Variants in DST observed in about 807,000 individuals in gnomAD.
The protein encoded by DST is bullous pemphigoid antigen.
Under a neutral mutation model 875.2 loss-of-function variants are expected in DST, and 253 were observed. The ratio of observed to expected loss-of-function variants is 0.29; its 90% confidence interval spans 0.26 to 0.32. The LOEUF is 0.32. DST is among the 10% of genes least tolerant of loss of function. DST has a pLI of 1.00. For synonymous variants in DST, 3,124 were observed against 3,197.1 expected (o/e 0.98, Z 0.77); for missense variants, 8,287 against 9,111.6 (o/e 0.91, Z 3.68).
chr6:56,689,819 C>T (rs753601684), intron 9 of DST, among the ~76,000 whole-genome samples: 3 of 152,130 alleles, frequency 2.0e-5, no homozygotes, highest in Non-Finnish European at 2.9e-5. Context: ...ATGAAAACAA[C>T]TATCTTTGCC....
At chr6:56,884,791 C>T (rs969489525) in intron 3 of DST, among the ~76,000 whole-genome samples, 2 of 152,002 alleles carry the variant, frequency 1.3e-5, no homozygotes, top group South Asian at 2.1e-4. Context: ...TGCAATGGCG[C>T]GATCTCGGCT....
At chr6:56,649,204 G>C (rs1038176667) in intron 12 of DST, among the ~76,000 whole-genome samples, 13 of 152,136 alleles carry the variant, frequency 8.5e-5, no homozygotes, top group African/African-American at 2.9e-4. Flanking sequence ...GTACTCAGTA[G>C]GCAAACTCTT....
At chr6:56,868,400 T>G (rs1284010462) in intron 3 of DST, among the ~76,000 whole-genome samples, 2 of 152,198 alleles carry the variant, frequency 1.3e-5, no homozygotes, top group African/African-American at 4.8e-5. Context: ...GATATACAAA[T>G]TCCATACCTT....
intron 4 of DST, among the ~76,000 whole-genome samples, chr6:56,810,158 C>T (rs975296265): frequency 3.9e-5 from 6 of 152,088 alleles, no homozygotes; most frequent in African/African-American, 1.4e-4. Context: ...AAGACCCCAC[C>T]TCTATAAAAA....
intron 4 of DST, among the ~76,000 whole-genome samples, chr6:56,761,280 A>G (rs559153988): frequency 6.6e-6 from 1 of 152,296 alleles, no homozygotes; most frequent in East Asian, 1.9e-4. Flanking sequence ...GCCACTCCCA[A>G]ATTCGTGGCC....
intron 67 of DST, 35 bp from the exon 68 acceptor site, chr6:56,527,769 GA>G (rs749029632): frequency 2.8e-5 from 43 of 1,546,332 alleles, no homozygotes; most frequent in South Asian, 7.5e-5. Context: ...TCTTATGAAG[GA>G]AAAAAAAGGC....
chr6:56,587,579 C>T (rs1489819378), intron 49 of DST, among the ~76,000 whole-genome samples: 11 of 152,084 alleles, frequency 7.2e-5, no homozygotes, highest in Admixed American at 5.2e-4. Flanking sequence ...AGATACTCCT[C>T]GAGAGGAGCA....
intron 2 of DST, among the ~76,000 whole-genome samples, chr6:56,906,913 G>A (rs1796687871): frequency 6.6e-6 from 1 of 152,092 alleles, no homozygotes; most frequent in Non-Finnish European, 1.5e-5. Context: ...CAGATGTGAG[G>A]TGATAGCTCA....
chr6:56,581,193 C>T (rs577088097), intron 49 of DST, among the ~76,000 whole-genome samples: 2 of 151,858 alleles, frequency 1.3e-5, no homozygotes, highest in East Asian at 3.9e-4. Context: ...AGAGTTGGAA[C>T]CCAAACTGGA....
intron 2 of DST, among the ~76,000 whole-genome samples, chr6:56,911,866 C>T (rs1226123562): frequency 2.6e-5 from 4 of 152,220 alleles, no homozygotes; most frequent in African/African-American, 9.6e-5. Flanking sequence ...AAAAAAACTA[C>T]ATTTTCTTTC....
At chr6:56,716,928 TC>T (rs902073131) in intron 5 of DST, among the ~76,000 whole-genome samples, 1 of 152,102 alleles carries the variant, frequency 6.6e-6, no homozygotes, top group African/African-American at 2.4e-5. Flanking sequence ...ACGCCTGTAA[TC>T]CCAGCACCTT....
In DST at chr6:56,610,509, T is replaced by C. The variant is rs745633242; in HGVS notation, c.5201A>G (p.Glu1734Gly). Reference protein sequence around the residue: ...ELEKQVKTLQESYNLLFSESL... With the variant: ...ELEKQVKTLQGSYNLLFSESL... ...TTCACTGAATAATAAATTATAACTT[T>C]CCTGAAGAGTTTTCACTTGTTTTTC... Residue 1734 changes from glutamate (E) to glycine (G), a missense_variant, in exon 39 of 104, where the codon GAA becomes GGA. Coordinates refer to ENST00000680361, the MANE Select transcript of DST (RefSeq NM_001374736.1). 4 of 1,566,048 alleles carry C rather than the reference T, an allele frequency of 2.6e-6. No homozygotes were observed. The highest frequency in any genetic ancestry group is 3.5e-6 in the Non-Finnish European group (4 of 1,154,504).
intron 4 of DST, among the ~76,000 whole-genome samples, chr6:56,779,148 T>G (rs2099686370): frequency 6.6e-6 from 1 of 152,112 alleles, no homozygotes; most frequent in African/African-American, 2.4e-5. Context: ...TGATGAGCAT[T>G]TTTTCATGTG....
At chr6:56,805,605 T>C (rs1194540701) in intron 4 of DST, among the ~76,000 whole-genome samples, 2 of 152,220 alleles carry the variant, frequency 1.3e-5, no homozygotes, top group Admixed American at 1.3e-4. Flanking sequence ...GCATGGGATG[T>C]CACTTTTCAA....
intron 35 of DST, 117 bp from the exon 36 acceptor site, chr6:56,624,745 C>T (rs1277216992): frequency 1.4e-6 from 1 of 711,774 alleles, no homozygotes; most frequent in Non-Finnish European, 2.5e-6. Flanking sequence ...CACACAACTC[C>T]CCCCATAATA....
At chr6:56,586,075 G>A (rs1383013096) in intron 49 of DST, among the ~76,000 whole-genome samples, 2 of 152,206 alleles carry the variant, frequency 1.3e-5, no homozygotes, top group East Asian at 1.9e-4. Context: ...ATATTCTGTT[G>A]ATTTGGGGTG....
chr6:56,899,669 A>G (rs563306164), intron 3 of DST, among the ~76,000 whole-genome samples: 28 of 152,360 alleles, frequency 1.8e-4, no homozygotes, highest in Non-Finnish European at 2.8e-4. Context: ...CAGTCATAAA[A>G]TTACTTTACA....
At chr6:56,467,053 T>C (rs2094609396) in intron 98 of DST, 1 of 152,192 alleles carries the variant, frequency 6.6e-6, no homozygotes, top group Admixed American at 6.5e-5. Flanking sequence ...GTTTATGTTT[T>C]GAAAGCCTGT....
intron 10 of DST, among the ~76,000 whole-genome samples, chr6:56,657,958 G>A (rs1337273958): frequency 6.6e-6 from 1 of 151,892 alleles, no homozygotes; most frequent in East Asian, 1.9e-4. Context: ...TAAAGACGGG[G>A]TTTCGCCATG....
Sources: gnomAD v4.1 joint callset for allele counts (sites outside exome capture counted in the v4.1 genomes callset) on GRCh38, gnomAD v4.1.1 for gene constraint, MANE v1.5 for transcripts, NCBI Gene and HGNC (gene_info 2026-07-23, HGNC 2026-07-21) for gene names.